The following EIF2AK3 variants were observed in gnomAD, a reference collection of about 807,000 sequenced individuals.
EIF2AK3 encodes the protein eukaryotic translation initiation factor 2-alpha kinase 3.
A neutral mutation model predicts 113.5 loss-of-function variants in EIF2AK3; 50 were observed. The ratio of observed to expected loss-of-function variants is 0.44; its 90% confidence interval spans 0.35 to 0.56. The LOEUF (loss-of-function observed/expected upper bound fraction) is 0.56. Among genes scored for constraint, EIF2AK3 ranks in the 20% least tolerant of loss-of-function variants. The pLI, the probability that EIF2AK3 is intolerant of heterozygous loss-of-function variation, is 0.00. For missense variants in EIF2AK3, 1,185 were observed against 1,378.0 expected, an observed-to-expected ratio of 0.86 and a Z score of 2.22; for synonymous variants, 448 against 495.4, an observed-to-expected ratio of 0.90 and a Z score of 1.27.
intron 14 of EIF2AK3, 128 bp from the exon 15 acceptor site, chr2:88,562,518 G>A (rs979064325): frequency 2.6e-5 from 20 of 760,946 alleles, no homozygotes; most frequent in Non-Finnish European, 4.6e-5. Context: ...GTGTAAAAAT[G>A]TTAGCAAAGA....
chr2:88,587,782 ATG>A (rs772141868), intron 8 of EIF2AK3, among the ~76,000 whole-genome samples, 198 bp downstream of exon 8: 9 of 152,194 alleles, frequency 5.9e-5, no homozygotes, highest in Non-Finnish European at 1.2e-4. Context: ...GGGGAGTTAG[ATG>A]TGCCCAACCT....
intron 14 of EIF2AK3, among the ~76,000 whole-genome samples, chr2:88,566,769 G>C (rs1674141031): frequency 2.6e-5 from 4 of 152,110 alleles, no homozygotes; most frequent in Admixed American, 6.6e-5. Context: ...GCAACATAGT[G>C]ACACCTCATC....
At chr2:88,616,326 T>C (rs1002816011) in intron 1 of EIF2AK3, among the ~76,000 whole-genome samples, 1 of 152,206 alleles carries the variant, frequency 6.6e-6, no homozygotes, top group Non-Finnish European at 1.5e-5. Context: ...AAATACATCA[T>C]GCAAAATTTT....
In EIF2AK3 at chr2:88,609,944, A is replaced by AC. The variant is rs1383075183; in HGVS notation, c.438+3779dup. ...GGCAAAATAAGAAAACTCCATCTCT[A>AC]CAAAAAAAAAAAAAAAAAAAAAAAA... On this transcript the variant is annotated intron_variant, in intron 2 of 16. Coordinates refer to ENST00000303236, the MANE Select transcript of EIF2AK3 (RefSeq NM_004836.7). Among the ~76,000 whole-genome samples, 60 of 133,332 alleles carry AC rather than the reference A, an allele frequency of 4.5e-4. 2 individuals carry two copies. In the East Asian group the frequency reaches 0.011, roughly 24 times the overall value. 87.5% of individuals were successfully genotyped at this position (133,332 alleles called of 152,430 possible).
At chr2:88,606,831 GCTGT>G (rs1340090832) in intron 2 of EIF2AK3, among the ~76,000 whole-genome samples, 5 of 152,192 alleles carry the variant, frequency 3.3e-5, no homozygotes, top group Non-Finnish European at 7.3e-5. Flanking sequence ...CAGCATCAGA[GCTGT>G]CTGTTTCTGC....
At chr2:88,607,559 A>G in intron 2 of EIF2AK3, among the ~76,000 whole-genome samples, 1 of 152,174 alleles carries the variant, frequency 6.6e-6, no homozygotes, top group South Asian at 2.1e-4. Flanking sequence ...CAATTCATAC[A>G]ATTCATTCTA....
chr2:88,605,107 A>G (rs1327015734), intron 2 of EIF2AK3, among the ~76,000 whole-genome samples: 1 of 152,226 alleles, frequency 6.6e-6, no homozygotes, highest in Non-Finnish European at 1.5e-5. Flanking sequence ...CTACTCAAAC[A>G]AAAGTTTATG....
At chr2:88,574,305 A>G (rs1178796732) in intron 13 of EIF2AK3, among the ~76,000 whole-genome samples, 1 of 152,216 alleles carries the variant, frequency 6.6e-6, no homozygotes, top group Non-Finnish European at 1.5e-5. Flanking sequence ...ACTCAAAACC[A>G]TAGAAAAACA....
At chr2:88,615,561 C>T (rs1374043143) in intron 1 of EIF2AK3, among the ~76,000 whole-genome samples, 1 of 152,144 alleles carries the variant, frequency 6.6e-6, no homozygotes, top group Non-Finnish European at 1.5e-5. Context: ...TCACCAGATA[C>T]TGAATCTGCC....
chr2:88,603,155 T>G (rs1203752982), intron 2 of EIF2AK3, among the ~76,000 whole-genome samples: 1 of 152,170 alleles, frequency 6.6e-6, no homozygotes, highest in Non-Finnish European at 1.5e-5. Context: ...ACCAGCTGAC[T>G]GCACCTCATC....
In EIF2AK3 at chr2:88,556,760, A is replaced by G. The variant is rs1274192946; in HGVS notation, c.*976T>C. The stretch of plus-strand genomic sequence containing the variant: ...ACATACTTAATTTAAAAAAAGTTTT[A>G]TTAAATCATTTAGACTTGAAAGAAG... On this transcript the variant is annotated 3_prime_UTR_variant, in exon 17 of 17. Transcript: ENST00000303236. 3.3e-5 allele frequency: 5 copies of G among 152,266 alleles called. No homozygotes were observed. The highest frequency in any genetic ancestry group is 5.9e-5 in the Non-Finnish European group (4 of 68,036). The allele number at this position is 152,266 out of a possible 1,614,324, so 9.4% of individuals were successfully genotyped here. A position where few individuals can be genotyped will look rare whatever the true frequency, so the allele number is the denominator to read the frequency against.
At chr2:88,594,058 G>C in intron 3 of EIF2AK3, 1 of 458,450 alleles carries the variant, frequency 2.2e-6, no homozygotes, top group Non-Finnish European at 2.9e-6. Context: ...GGATGGCATG[G>C]CCTCCTCAAC....
intron 4 of EIF2AK3, 124 bp from the exon 5 acceptor site, chr2:88,591,176 C>T (rs750088057): frequency 4.4e-6 from 4 of 906,074 alleles, no homozygotes; most frequent in East Asian, 5.3e-5. Flanking sequence ...AACAACATAA[C>T]CTTCTGGAAA....
chr2:88,623,844 C>T (rs182635466), intron 1 of EIF2AK3, among the ~76,000 whole-genome samples: 49 of 152,268 alleles, frequency 3.2e-4, no homozygotes, highest in Middle Eastern at 6.8e-3. Flanking sequence ...TCTATCTCTT[C>T]CTAGGCAATT....
intron 3 of EIF2AK3, 70 bp from the exon 4 acceptor site, chr2:88,593,475 G>T: frequency 6.4e-7 from 1 of 1,572,840 alleles, no homozygotes; most frequent in African/African-American, 1.4e-5. Flanking sequence ...GATATTAAAG[G>T]AATCTGTAAT....
intron 1 of EIF2AK3, among the ~76,000 whole-genome samples, chr2:88,624,491 C>A (rs888761371): frequency 6.6e-6 from 1 of 152,236 alleles, no homozygotes; most frequent in Non-Finnish European, 1.5e-5. Flanking sequence ...ATCGCCAAAT[C>A]TTTCTTCCCA....
rs1674422430 is a variant in EIF2AK3 at position 88,575,142 on chromosome 2, C to G, written c.2341G>C (p.Glu781Gln). The G allele has an allele frequency of 1.2e-6, 2 of 1,614,138 alleles. No homozygotes were observed. Among genetic ancestry groups the G allele is most frequent in the Non-Finnish European group, 8.5e-7 (1 of 1,180,000 alleles). ...VEDGTMDGND[E>Q]GHSFELCPSE... ...GGACAAAGTTCAAAGGAGTGCCCCT[C>G]ATCATTGCCATCCATAGTCCCATCT... is the stretch of plus-strand genomic sequence containing the variant. The change falls in exon 13 of 17, where the codon GAG becomes CAG. Residue 781 changes from glutamate (E) to glutamine (Q), a missense_variant. This residue lies in a region of EIF2AK3 where 877 missense variants were observed against 1,024.2 expected (regional missense o/e 0.86). Transcript: ENST00000303236.
In EIF2AK3 at chr2:88,574,973, AGTTT is replaced by A; in HGVS notation, c.2506_2509del (p.Lys836Ter). ...GCTACTGGTGGGCTTGAAAGCAGTT[AGTTT>A]ATTAGCACAATGGTTGCCAATATGC... On this transcript the variant is annotated frameshift_variant, in exon 13 of 17. Coordinates refer to ENST00000303236, the MANE Select transcript of EIF2AK3 (RefSeq NM_004836.7). LOFTEE classifies it high-confidence loss of function. 1 of 1,614,174 alleles carries A rather than the reference AGTTT, an allele frequency of 6.2e-7. No individual in the cohort carries two copies. Among genetic ancestry groups the A allele is most frequent in the South Asian group, 1.1e-5 (1 of 91,088 alleles).
At chr2:88,560,698 C>G (rs12329245) in intron 15 of EIF2AK3, among the ~76,000 whole-genome samples, 21,312 of 148,564 alleles carry the variant, frequency 0.14, 2,484 homozygotes, top group African/African-American at 0.33. Context: ...TTTCTGGAAG[C>G]TTTTAGGGCC....
Sources: allele counts gnomAD v4.1 joint callset (sites outside exome capture counted in the v4.1 genomes callset), GRCh38; gene constraint gnomAD v4.1.1; regional missense constraint gnomAD v4.1.1; transcripts MANE v1.5; gene names NCBI Gene and HGNC (gene_info 2026-07-23, HGNC 2026-07-21).